ANAPC1: variants seen among roughly 807,000 people sequenced by gnomAD.
ANAPC1 encodes anaphase promoting complex subunit 1.
ANAPC1 carries 36 observed loss-of-function variants against 208.0 expected under a neutral mutation model. The observed-to-expected ratio is 0.17, with a 90% CI of 0.13 to 0.23. The LOEUF (loss-of-function observed/expected upper bound fraction) is 0.23. Ranked by LOEUF, ANAPC1 falls within the 10% of genes least tolerant of loss-of-function variation. The pLI, the probability that ANAPC1 is intolerant of heterozygous loss-of-function variation, is 1.00. For synonymous variants in ANAPC1, 378 were observed against 695.2 expected, an observed-to-expected ratio of 0.54 and a Z score of 7.18; for missense variants, 942 against 2,011.6, an observed-to-expected ratio of 0.47 and a Z score of 10.17.
At chr2:111,848,796 A>C (rs1468373124) in intron 14 of ANAPC1, among the ~76,000 whole-genome samples, 1 of 152,062 alleles carries the variant, frequency 6.6e-6, no homozygotes, top group Non-Finnish European at 1.5e-5. Context: ...AAAAAGACTA[A>C]ACTGTGATTT....
At chr2:111,873,009 A>G in intron 5 of ANAPC1, 1 of 457,042 alleles carries the variant, frequency 2.2e-6, no homozygotes. Context: ...GATGAGTAAC[A>G]AAAAAAGACT....
intron 19 of ANAPC1, among the ~76,000 whole-genome samples, chr2:111,833,530 G>A (rs1187278324): frequency 6.6e-6 from 1 of 151,944 alleles, no homozygotes; most frequent in African/African-American, 2.4e-5. Context: ...TAAAACTACA[G>A]TAAAAGCACC....
At chr2:111,880,216 A>G (rs1205633954) in intron 2 of ANAPC1, among the ~76,000 whole-genome samples, 1 of 151,796 alleles carries the variant, frequency 6.6e-6, no homozygotes, top group Non-Finnish European at 1.5e-5. Context: ...ACTACTAAAA[A>G]TACAAAATTA....
At chr2:111,875,086 A>G (rs1299933197) in intron 3 of ANAPC1, among the ~76,000 whole-genome samples, 1 of 152,156 alleles carries the variant, frequency 6.6e-6, no homozygotes, top group Non-Finnish European at 1.5e-5. Context: ...ATCCTCACCA[A>G]CATTTGTTAT....
intron 28 of ANAPC1, among the ~76,000 whole-genome samples, chr2:111,810,002 T>C (rs1678886266): frequency 6.8e-6 from 1 of 147,410 alleles, no homozygotes; most frequent in East Asian, 2.0e-4. Flanking sequence ...CAAAAACATG[T>C]ATACAAATGT....
intron 34 of ANAPC1, among the ~76,000 whole-genome samples, chr2:111,795,275 A>C (rs1462792109): frequency 1.3e-5 from 2 of 151,986 alleles, no homozygotes; most frequent in Non-Finnish European, 2.9e-5. Context: ...CCAGCTACTT[A>C]GGAGGCTGAG....
At chr2:111,839,286 A>G (rs898191544) in intron 17 of ANAPC1, among the ~76,000 whole-genome samples, 2 of 152,174 alleles carry the variant, frequency 1.3e-5, no homozygotes, top group African/African-American at 4.8e-5. Flanking sequence ...AGACATTTTT[A>G]TTGTGTTTGA....
In ANAPC1 at chr2:111,872,643, G is replaced by C. The variant is rs1282520021; in HGVS notation, c.598C>G (p.Pro200Ala). The part of the protein sequence containing the change: ...ERSASSHEVP[P>A]GSPREPLPTM... ...TAAAATGAATACCTGGGTGAACCTG[G>C]AGGTACTTCATGTGAAGAAGCGCTT... Residue 200 changes from proline (P) to alanine (A), a missense_variant, in exon 6 of 48, where the codon CCA (proline) becomes GCA (alanine). Transcript: ENST00000341068. 2 of 1,612,336 alleles carry C rather than the reference G, an allele frequency of 1.2e-6. No homozygotes were observed. Among genetic ancestry groups the C allele is most frequent in the Non-Finnish European group, 8.5e-7 (1 of 1,178,498 alleles).
intron 9 of ANAPC1, 48 bp from the exon 10 acceptor site, chr2:111,862,646 C>T (rs1682138551): frequency 1.1e-5 from 17 of 1,586,770 alleles, no homozygotes; most frequent in Non-Finnish European, 1.5e-5. Context: ...GCAAGGCAGG[C>T]TTATATGACA....
In ANAPC1 at chr2:111,807,791, G is replaced by C. The variant is rs1364392399; in HGVS notation, c.3832+1156C>G. On this transcript the variant is annotated intron_variant, in intron 29 of 47. Coordinates refer to ENST00000341068, the MANE Select transcript of ANAPC1 (RefSeq NM_022662.4). ...AATCTTCTATATACAGTGTGAAAGA[G>C]GTATGCCGCAGCTGTGAGACTGTGC... is the stretch of plus-strand genomic sequence containing the variant. 6.0e-5 allele frequency among the ~76,000 whole-genome samples: 9 copies of C among 151,154 alleles called. No homozygotes were observed. The Admixed American group carries it at 6.0e-4, about 10-fold the overall frequency.
At chr2:111,844,907 G>A (rs1680972300) in intron 16 of ANAPC1, among the ~76,000 whole-genome samples, 1 of 152,198 alleles carries the variant, frequency 6.6e-6, no homozygotes, top group Non-Finnish European at 1.5e-5. Context: ...GTGCAGTGGT[G>A]CAATTATAGC....
intron 1 of ANAPC1, among the ~76,000 whole-genome samples, chr2:111,882,964 A>C (rs1573535378): frequency 1.3e-5 from 2 of 151,816 alleles, no homozygotes; most frequent in South Asian, 4.1e-4. Context: ...TCAGGAGTTC[A>C]AGATCAGCCT....
intron 24 of ANAPC1, among the ~76,000 whole-genome samples, chr2:111,824,288 TTAGA>T (rs1679710292): frequency 6.7e-6 from 1 of 149,422 alleles, no homozygotes; most frequent in African/African-American, 2.4e-5. Context: ...AGAACATACT[TTAGA>T]TAAGACTTCA....
chr2:111,849,496 C>A (rs1390481994), intron 14 of ANAPC1, among the ~76,000 whole-genome samples: 1 of 152,166 alleles, frequency 6.6e-6, no homozygotes, highest in Non-Finnish European at 1.5e-5. Flanking sequence ...ATAGCACTAA[C>A]CTTCCCTTTG....
intron 6 of ANAPC1, among the ~76,000 whole-genome samples, chr2:111,872,289 T>A (rs1682795107): frequency 6.6e-6 from 1 of 152,210 alleles, no homozygotes; most frequent in Non-Finnish European, 1.5e-5. Flanking sequence ...TTTATTGACT[T>A]GTGTATGTTA....
At chr2:111,840,556 T>TC (rs1680708161) in intron 17 of ANAPC1, among the ~76,000 whole-genome samples, 2 of 152,178 alleles carry the variant, frequency 1.3e-5, no homozygotes, top group Admixed American at 1.3e-4. Flanking sequence ...GGGGCATAGG[T>TC]TCTCTGCCAG....
At chr2:111,806,835 C>A (rs1353078808) in intron 29 of ANAPC1, among the ~76,000 whole-genome samples, 1 of 151,276 alleles carries the variant, frequency 6.6e-6, no homozygotes, top group Non-Finnish European at 1.5e-5. Flanking sequence ...TATTAAAACC[C>A]TTCCCTCTGA....
chr2:111,823,024 T>C (rs1014249469), intron 24 of ANAPC1, among the ~76,000 whole-genome samples: 1 of 98,992 alleles, frequency 1.0e-5, no homozygotes, highest in African/African-American at 4.0e-5. Flanking sequence ...TTTTTTTTTT[T>C]TTTGAGATGG....
intron 27 of ANAPC1, among the ~76,000 whole-genome samples, chr2:111,816,727 T>C (rs1416126454): frequency 7.1e-6 from 1 of 141,094 alleles, no homozygotes; most frequent in Non-Finnish European, 1.6e-5. Context: ...AAAAATACCA[T>C]TTTTAAAGAG....
Sources: gnomAD v4.1 joint callset for allele counts (sites outside exome capture counted in the v4.1 genomes callset) on GRCh38, gnomAD v4.1.1 for gene constraint, MANE v1.5 for transcripts, NCBI Gene and HGNC (gene_info 2026-07-23, HGNC 2026-07-21) for gene names.